The following ADGRL2 variants were observed in gnomAD, a reference collection of about 807,000 sequenced individuals.
ADGRL2 encodes the protein adhesion G protein-coupled receptor L2.
A neutral mutation model predicts 157.4 loss-of-function variants in ADGRL2; 44 were observed. That is an observed-to-expected ratio of 0.28 (90% confidence interval 0.22 to 0.36). The LOEUF (loss-of-function observed/expected upper bound fraction) is 0.36, where lower values mean the gene tolerates loss of function less well. ADGRL2 is among the 10% of genes least tolerant of loss of function. The pLI is 1.00. For synonymous variants in ADGRL2, 585 were observed against 624.7 expected, an observed-to-expected ratio of 0.94 and a Z score of 0.95; for missense variants, 1,510 against 1,768.9, an observed-to-expected ratio of 0.85 and a Z score of 2.63.
At chr1:81,521,703 C>T (rs2079318514) in intron 2 of ADGRL2, among the ~76,000 whole-genome samples, 1 of 152,108 alleles carries the variant, frequency 6.6e-6, no homozygotes, top group African/African-American at 2.4e-5. Flanking sequence ...TCACAGATTT[C>T]TCAAAGAGTT....
intron 3 of ADGRL2, among the ~76,000 whole-genome samples, chr1:81,914,155 G>C (rs191262136): frequency 6.6e-6 from 1 of 151,952 alleles, no homozygotes; most frequent in Non-Finnish European, 1.5e-5. Flanking sequence ...GTATACTCTC[G>C]TTGACGTACA....
intron 2 of ADGRL2, among the ~76,000 whole-genome samples, chr1:81,552,167 T>C (rs1385342971): frequency 6.6e-6 from 1 of 152,176 alleles, no homozygotes; most frequent in Non-Finnish European, 1.5e-5. Flanking sequence ...CCTTGAAGAG[T>C]TCTTCAGGCT....
At chr1:81,565,746 A>C (rs996616445) in intron 2 of ADGRL2, among the ~76,000 whole-genome samples, 2 of 152,208 alleles carry the variant, frequency 1.3e-5, no homozygotes, top group African/African-American at 4.8e-5. Context: ...CCAGAAAAGC[A>C]CATTAGCCTT....
intron 3 of ADGRL2, among the ~76,000 whole-genome samples, chr1:81,604,154 G>T (rs767754666): frequency 1.3e-5 from 2 of 151,866 alleles, no homozygotes; most frequent in African/African-American, 2.4e-5. Context: ...TGGTAGAGAC[G>T]AGGTTTCACC....
At chr1:81,355,307 C>T (rs572946972) in intron 1 of ADGRL2, among the ~76,000 whole-genome samples, 7 of 151,826 alleles carry the variant, frequency 4.6e-5, no homozygotes, top group East Asian at 3.9e-4. Flanking sequence ...TGCCGTGAGC[C>T]GAGATTGCAC....
chr1:81,462,088 A>T (rs1175540459), intron 2 of ADGRL2, among the ~76,000 whole-genome samples: 1 of 152,170 alleles, frequency 6.6e-6, no homozygotes, highest in African/African-American at 2.4e-5. Flanking sequence ...CTCTGTGTCC[A>T]GCTAGAGGAT....
At chr1:81,849,035 TAGCAA>T (rs2092907151) in intron 2 of ADGRL2, among the ~76,000 whole-genome samples, 1 of 151,920 alleles carries the variant, frequency 6.6e-6, no homozygotes. Flanking sequence ...GGTAAGCAAA[TAGCAA>T]CCATCCCTGT....
chr1:81,319,386 A>C (rs1312722789), intron 1 of ADGRL2, among the ~76,000 whole-genome samples: 1 of 152,196 alleles, frequency 6.6e-6, no homozygotes, highest in Non-Finnish European at 1.5e-5. Context: ...CAACAAAGCA[A>C]CATAATCTTA....
At chr1:81,805,776 C>G (rs575986163) in intron 1 of ADGRL2, among the ~76,000 whole-genome samples, 1 of 149,196 alleles carries the variant, frequency 6.7e-6, no homozygotes, top group South Asian at 2.1e-4. Context: ...TATTATTGCA[C>G]TTAAGTTGCT....
At chr1:81,886,796 C>T (rs1279432355) in intron 2 of ADGRL2, among the ~76,000 whole-genome samples, 1 of 152,082 alleles carries the variant, frequency 6.6e-6, no homozygotes, top group Non-Finnish European at 1.5e-5. Context: ...TTCATATACT[C>T]TTTTAAATTA....
chr1:81,599,962 G>T (rs1459269191), intron 3 of ADGRL2, among the ~76,000 whole-genome samples: 2 of 152,152 alleles, frequency 1.3e-5, no homozygotes, highest in African/African-American at 4.8e-5. Context: ...ATGCATTATT[G>T]ATGTCTATTA....
intron 1 of ADGRL2, among the ~76,000 whole-genome samples, chr1:81,383,051 C>G (rs2076370590): frequency 6.6e-6 from 1 of 152,080 alleles, no homozygotes; most frequent in African/African-American, 2.4e-5. Context: ...TTGGGGATAT[C>G]CCAGGGTAGA....
chr1:81,430,574 G>A (rs553653315), intron 1 of ADGRL2, among the ~76,000 whole-genome samples: 7 of 152,290 alleles, frequency 4.6e-5, no homozygotes, highest in African/African-American at 1.4e-4. Context: ...TTTTGAAAAG[G>A]CTGTCTTGTA....
chr1:81,864,574 A>G (rs2093480269), intron 2 of ADGRL2, among the ~76,000 whole-genome samples: 1 of 152,168 alleles, frequency 6.6e-6, no homozygotes, highest in Non-Finnish European at 1.5e-5. Flanking sequence ...CTGTTATATG[A>G]AAGTTTTAAT....
rs544235902 is a variant in ADGRL2, at chr1:81,993,364, T to C, written c.*2219T>C. Among the ~76,000 whole-genome samples the C allele has an allele frequency of 7.2e-5, 11 of 151,946 alleles. No homozygotes were observed. Among genetic ancestry groups the C allele is most frequent in the Admixed American group, 6.6e-4 (10 of 15,240 alleles). ...TTTAAATGCCTAAAACCATACAGTA[T>C]TGTGTGATGTGTAATTCCTAGTATA... On this transcript the variant is annotated 3_prime_UTR_variant, in exon 24 of 24. Transcript: ENST00000686636.
At chr1:81,883,644 C>G (rs1033836245) in intron 2 of ADGRL2, among the ~76,000 whole-genome samples, 1 of 152,166 alleles carries the variant, frequency 6.6e-6, no homozygotes, top group Non-Finnish European at 1.5e-5. Flanking sequence ...TGATACTGCA[C>G]AGAACTTTTG....
At position 81,405,121 on chromosome 1, in the gene ADGRL2, G is replaced by A. The variant is rs578050926; in HGVS notation, c.-301-39915G>A. On this transcript the variant is annotated intron_variant, in intron 1 of 24. Transcript: ENST00000370721. ...CATATACTGCCCTGAATTTTATGAC[G>A]GTGCTGTAATAGGCCTTTTTAGGTA... Among the ~76,000 whole-genome samples, 10 of 152,188 alleles carry A rather than the reference G, an allele frequency of 6.6e-5. No individual in the cohort carries two copies. In the East Asian group the frequency reaches 1.4e-3, roughly 21 times the overall value.
intron 1 of ADGRL2, among the ~76,000 whole-genome samples, chr1:81,819,184 C>T (rs1423376022): frequency 1.3e-5 from 2 of 151,984 alleles, no homozygotes; most frequent in Non-Finnish European, 2.9e-5. Context: ...AAGGGGTGGA[C>T]GACAGTCCTT....
At chr1:81,830,782 C>G (rs1337645758) in intron 1 of ADGRL2, among the ~76,000 whole-genome samples, 1 of 152,210 alleles carries the variant, frequency 6.6e-6, no homozygotes, top group East Asian at 1.9e-4. Context: ...GCTGGGATTA[C>G]AGGCGTGAGC....
Sources: allele counts gnomAD v4.1 joint callset (sites outside exome capture counted in the v4.1 genomes callset), GRCh38; gene constraint gnomAD v4.1.1; transcripts MANE v1.5; gene names NCBI Gene and HGNC (gene_info 2026-07-23, HGNC 2026-07-21).